Variants in METTL24 observed in about 807,000 individuals in gnomAD.
METTL24 encodes probable methyltransferase-like protein 24.
Under a neutral mutation model 32.7 loss-of-function variants are expected in METTL24, and 29 were observed. The observed-to-expected ratio is 0.89, with a 90% CI of 0.66 to 1.21. METTL24 has a LOEUF of 1.21. METTL24 is among the 50% of genes most tolerant of loss of function. METTL24 has a pLI of 0.00. For missense variants in METTL24, 439 were observed against 468.1 expected (o/e 0.94, Z 0.57); for synonymous variants, 163 against 179.5 (o/e 0.91, Z 0.73).
chr6:110,281,560 T>C (rs12209849), intron 4 of METTL24, among the ~76,000 whole-genome samples: 1 of 149,598 alleles, frequency 6.7e-6, no homozygotes, highest in Non-Finnish European at 1.5e-5. Flanking sequence ...ACCCAGGAGG[T>C]AGAGGTTGAA....
At chr6:110,268,842 G>T (rs1307361722) in intron 4 of METTL24, among the ~76,000 whole-genome samples, 1 of 152,030 alleles carries the variant, frequency 6.6e-6, no homozygotes, top group Non-Finnish European at 1.5e-5. Context: ...TGGAATAACT[G>T]CCACAAAGCC....
intron 4 of METTL24, among the ~76,000 whole-genome samples, chr6:110,290,646 G>A (rs77629519): frequency 0.018 from 2,816 of 152,240 alleles, 76 homozygotes; most frequent in African/African-American, 0.065. Flanking sequence ...GTTGTTTCCA[G>A]TTGAGGTTAT....
chr6:110,337,067 T>C (rs181818551), intron 1 of METTL24, among the ~76,000 whole-genome samples: 1 of 152,336 alleles, frequency 6.6e-6, no homozygotes, highest in Admixed American at 6.5e-5. Flanking sequence ...GTGGTACATA[T>C]ACACCATGAA....
At chr6:110,247,497 A>G (rs1295309296) in intron 4 of METTL24, among the ~76,000 whole-genome samples, 8 of 152,222 alleles carry the variant, frequency 5.3e-5, no homozygotes, top group African/African-American at 1.2e-4. Flanking sequence ...TGAGTAAAGT[A>G]TTATTATCAA....
At chr6:110,330,949 A>G (rs1772100925) in intron 1 of METTL24, among the ~76,000 whole-genome samples, 1 of 152,248 alleles carries the variant, frequency 6.6e-6, no homozygotes, top group African/African-American at 2.4e-5. Context: ...ATGCCAATGT[A>G]GGCCTGATAC....
Position 110,315,488 on chromosome 6 carries a change from A to C in METTL24, c.418-7T>G. ...TCATGTGATTGCATGCAATCTGTAA[A>C]GATTGGAAATCAATGTGAATAATTT... On this transcript the variant is annotated splice_polypyrimidine_tract_variant and splice_region_variant and intron_variant, in intron 2 of 4. Coordinates refer to ENST00000338882, the MANE Select transcript of METTL24 (RefSeq NM_001123364.3). 6.2e-7 allele frequency: 1 copy of C among 1,613,512 alleles called. No individual in the cohort carries two copies. Among genetic ancestry groups the C allele is most frequent in the Non-Finnish European group, 8.5e-7 (1 of 1,179,794 alleles).
intron 4 of METTL24, among the ~76,000 whole-genome samples, chr6:110,295,795 AAGG>A (rs1228287356): frequency 1.5e-4 from 6 of 39,928 alleles, no homozygotes; most frequent in African/African-American, 7.0e-4. Context: ...GAAAGAAAGA[AAGG>A]AAGGAAGGAA....
At chr6:110,311,482 T>C (rs1441409730) in intron 3 of METTL24, among the ~76,000 whole-genome samples, 1 of 140,698 alleles carries the variant, frequency 7.1e-6, no homozygotes, top group African/African-American at 2.7e-5. Context: ...TTTTTTTTTT[T>C]TTTTTTTTTG....
At chr6:110,298,691 C>A (rs1337891197) in intron 4 of METTL24, among the ~76,000 whole-genome samples, 2 of 152,216 alleles carry the variant, frequency 1.3e-5, no homozygotes, top group South Asian at 4.1e-4. Context: ...TTGGACAAGA[C>A]CATTAACATT....
At chr6:110,254,034 G>T in intron 4 of METTL24, 4 of 1,160,868 alleles carry the variant, frequency 3.4e-6, no homozygotes, top group East Asian at 6.4e-5. Context: ...TCACAAATTT[G>T]CATTTGGGAA....
At chr6:110,309,369 C>A (rs1301584828) in intron 3 of METTL24, among the ~76,000 whole-genome samples, 2 of 152,166 alleles carry the variant, frequency 1.3e-5, no homozygotes, top group Non-Finnish European at 2.9e-5. Flanking sequence ...ATAAATGACA[C>A]ACTAGTGGGT....
intron 1 of METTL24, among the ~76,000 whole-genome samples, chr6:110,326,599 A>G (rs1562238291): frequency 6.6e-6 from 1 of 152,228 alleles, no homozygotes. Flanking sequence ...CAAACTGGCT[A>G]ATTTGAGAGA....
intron 3 of METTL24, among the ~76,000 whole-genome samples, chr6:110,299,438 C>T (rs1582409761): frequency 6.6e-6 from 1 of 151,978 alleles, no homozygotes; most frequent in East Asian, 1.9e-4. Context: ...ATGTAAATCA[C>T]AGTAGCAATG....
At chr6:110,253,961 GA>G in intron 4 of METTL24, 2 of 1,437,132 alleles carry the variant, frequency 1.4e-6, no homozygotes, top group Non-Finnish European at 1.8e-6. Flanking sequence ...GCAAGTGGGT[GA>G]AGGTCCAGAC....
At chr6:110,290,091 T>C (rs936137199) in intron 4 of METTL24, among the ~76,000 whole-genome samples, 3 of 152,060 alleles carry the variant, frequency 2.0e-5, no homozygotes, top group Admixed American at 1.3e-4. Flanking sequence ...AATTTTTATA[T>C]TTTTTGTAGA....
At chr6:110,304,759 C>A (rs1478809056) in intron 3 of METTL24, among the ~76,000 whole-genome samples, 1 of 152,106 alleles carries the variant, frequency 6.6e-6, no homozygotes, top group Non-Finnish European at 1.5e-5. Flanking sequence ...GAGAACTTCC[C>A]CAACATAGCA....
At chr6:110,352,608 T>A (rs1200534632) in intron 1 of METTL24, among the ~76,000 whole-genome samples, 3 of 147,684 alleles carry the variant, frequency 2.0e-5, no homozygotes, top group Admixed American at 6.8e-5. Context: ...TTTTTTTTTT[T>A]ATCAGAACAT....
intron 4 of METTL24, among the ~76,000 whole-genome samples, chr6:110,293,409 A>AT (rs1771355470): frequency 6.6e-6 from 1 of 151,868 alleles, no homozygotes; most frequent in Non-Finnish European, 1.5e-5. Context: ...TGTAGTTAAA[A>AT]TTTTTTTGTA....
At chr6:110,291,492 T>C (rs893690343) in intron 4 of METTL24, among the ~76,000 whole-genome samples, 1 of 152,210 alleles carries the variant, frequency 6.6e-6, no homozygotes, top group Non-Finnish European at 1.5e-5. Flanking sequence ...TTTATAAAAA[T>C]CAATTAATTA....
Sources: allele counts gnomAD v4.1 joint callset (sites outside exome capture counted in the v4.1 genomes callset), GRCh38; gene constraint gnomAD v4.1.1; transcripts MANE v1.5; gene names NCBI Gene and HGNC (gene_info 2026-07-23, HGNC 2026-07-21).